SH3GL2: variants seen among roughly 807,000 people sequenced by gnomAD.
SH3GL2 encodes SH3 domain containing GRB2 like 2, endophilin A1, also known as endophilin-A1.
SH3GL2 carries 24 observed loss-of-function variants against 46.0 expected under a neutral mutation model. The ratio of observed to expected loss-of-function variants is 0.52; its 90% confidence interval spans 0.38 to 0.73. The LOEUF (loss-of-function observed/expected upper bound fraction) is 0.73, where lower values mean the gene tolerates loss of function less well. Ranked by LOEUF, SH3GL2 falls within the 30% of genes least tolerant of loss-of-function variation. The probability of loss-of-function intolerance (pLI) is 0.00; values close to 1 mark genes in which losing one functional copy is unlikely to be tolerated. For missense variants in SH3GL2, 413 were observed against 424.2 expected (o/e 0.97, Z 0.23); for synonymous variants, 196 against 147.1 (o/e 1.33, Z -2.40).
chr9:17,751,496 G>T (rs917134208), intron 2 of SH3GL2, among the ~76,000 whole-genome samples: 2 of 151,828 alleles, frequency 1.3e-5, no homozygotes, highest in Admixed American at 6.6e-5. Context: ...GTGTGTGTGT[G>T]TGTGTGTGTG....
chr9:17,716,852 AT>A (rs1390119200), intron 1 of SH3GL2, among the ~76,000 whole-genome samples: 1 of 152,016 alleles, frequency 6.6e-6, no homozygotes, highest in Non-Finnish European at 1.5e-5. Flanking sequence ...GGCTCACCTC[AT>A]TTGTTTCCTC....
At position 17,738,673 on chromosome 9, in the gene SH3GL2, G is replaced by GAA. The variant is rs1230624275; in HGVS notation, c.46-8392_46-8391insAA. Among the ~76,000 whole-genome samples, 295 of 145,022 alleles carry GAA rather than the reference G, an allele frequency of 2.0e-3. 2 individuals are homozygous for GAA. The highest frequency in any genetic ancestry group is 6.9e-3 in the African/African-American group (266 of 38,286). On this transcript the variant is annotated intron_variant, in intron 1 of 8. Transcript: ENST00000380607. ...AGAGAGAGAGAGAGAGAGAGAGAGA[G>GAA]ATAATTTTATTTCAAGGAATTGCCT...
At chr9:17,789,357 C>A in intron 5 of SH3GL2, 35 bp from the exon 6 acceptor site, 1 of 1,597,324 alleles carries the variant, frequency 6.3e-7, no homozygotes, top group Non-Finnish European at 8.6e-7. Context: ...TCCATAAGCC[C>A]TTTCAAAGCC....
intron 1 of SH3GL2, among the ~76,000 whole-genome samples, chr9:17,658,035 A>G (rs1255626907): frequency 6.6e-6 from 1 of 152,184 alleles, no homozygotes; most frequent in African/African-American, 2.4e-5. Flanking sequence ...TCCACTGCAG[A>G]TAGGAACTTA....
At chr9:17,649,764 C>CT (rs1819910661) in intron 1 of SH3GL2, among the ~76,000 whole-genome samples, 2 of 152,122 alleles carry the variant, frequency 1.3e-5, no homozygotes, top group Non-Finnish European at 2.9e-5. Context: ...ATGTAATATT[C>CT]TTTTTCTGAG....
chr9:17,770,148 T>C (rs1692174870), intron 3 of SH3GL2, among the ~76,000 whole-genome samples: 1 of 152,212 alleles, frequency 6.6e-6, no homozygotes, highest in African/African-American at 2.4e-5. Context: ...TCATGTACAA[T>C]TAGTATATTT....
chr9:17,690,171 A>G (rs932527318), intron 1 of SH3GL2, among the ~76,000 whole-genome samples: 1 of 152,096 alleles, frequency 6.6e-6, no homozygotes, highest in African/African-American at 2.4e-5. Flanking sequence ...ATTTATGTCT[A>G]CACCCCCACA....
intron 1 of SH3GL2, among the ~76,000 whole-genome samples, chr9:17,678,276 C>A (rs1363336293): frequency 6.6e-6 from 1 of 152,070 alleles, no homozygotes; most frequent in African/African-American, 2.4e-5. Context: ...TCCTATTTCT[C>A]CACATCCTCT....
Position 17,678,321 on chromosome 9 carries a change from G to A in SH3GL2, c.46-68745G>A, listed in dbSNP as rs559953028. ...GTTGTTTCCTGACTTTTTAATGATC[G>A]CCATTGTAACTGGTATGAGATGGTA... On this transcript the variant is annotated intron_variant, in intron 1 of 8. Coordinates refer to ENST00000380607, the MANE Select transcript of SH3GL2 (RefSeq NM_003026.5). 5.7e-3 allele frequency among the ~76,000 whole-genome samples: 862 copies of A among 152,162 alleles called. 9 individuals carry two copies. The highest frequency in any genetic ancestry group is 0.02 in the African/African-American group (823 of 41,508).
chr9:17,588,085 G>C (rs73641992), intron 1 of SH3GL2, among the ~76,000 whole-genome samples: 2,097 of 152,182 alleles, frequency 0.014, 25 homozygotes, highest in African/African-American at 0.028. Context: ...AAGTCTTAAT[G>C]GTACTTTGTT....
Position 17,636,478 on chromosome 9 carries a change from A to G in SH3GL2, c.45+57191A>G, listed in dbSNP as rs184611478. Among the ~76,000 whole-genome samples the G allele has an allele frequency of 2.0e-4, 30 of 152,308 alleles. No individual in the cohort carries two copies. The East Asian group carries it at 5.6e-3, about 28-fold the overall frequency. ...ATGGCATAACCTGATCCATCTTTGC[A>G]TTCTCCACGTTGATCATAGCTTTAC... On this transcript the variant is annotated intron_variant, in intron 1 of 8. Coordinates refer to ENST00000380607, the MANE Select transcript of SH3GL2 (RefSeq NM_003026.5).
intron 1 of SH3GL2, among the ~76,000 whole-genome samples, chr9:17,738,626 T>TTTTA (rs58272546): frequency 0.03 from 2,277 of 74,776 alleles, 78 homozygotes; most frequent in South Asian, 0.055. Context: ...TCATGTGATT[T>TTTTA]TATATATATA....
intron 1 of SH3GL2, among the ~76,000 whole-genome samples, chr9:17,629,571 A>G (rs1276860878): frequency 6.6e-6 from 1 of 152,230 alleles, no homozygotes; most frequent in Non-Finnish European, 1.5e-5. Context: ...CTGGTTGTAC[A>G]TAAGTGTTTT....
At chr9:17,700,620 C>T (rs946130286) in intron 1 of SH3GL2, among the ~76,000 whole-genome samples, 1 of 152,114 alleles carries the variant, frequency 6.6e-6, no homozygotes, top group Non-Finnish European at 1.5e-5. Flanking sequence ...CATGATTTTT[C>T]TGTATTTTAC....
chr9:17,655,354 G>A (rs927249650), intron 1 of SH3GL2, among the ~76,000 whole-genome samples: 3 of 152,206 alleles, frequency 2.0e-5, no homozygotes, highest in Non-Finnish European at 4.4e-5. Flanking sequence ...TAAGGAAATT[G>A]GATGTTTTAC....
chr9:17,635,266 C>T lies in SH3GL2; in HGVS notation c.45+55979C>T, dbSNP rs75197461. Among the ~76,000 whole-genome samples the T allele has an allele frequency of 1.6e-3, 247 of 152,240 alleles. 2 individuals carry two copies. Among genetic ancestry groups the T allele is most frequent in the African/African-American group, 5.8e-3 (241 of 41,542 alleles). ...GGTTTTCTGTTCCTGCATTAGTTTGCTAAGGATAATGGTCTCTAGCTTCAT... is the reference window on the plus strand; with the variant it reads ...GGTTTTCTGTTCCTGCATTAGTTTGTTAAGGATAATGGTCTCTAGCTTCAT... On this transcript the variant is annotated intron_variant, in intron 1 of 8. Transcript: ENST00000380607.
rs575426006 is a variant in SH3GL2 at position 17,637,924 on chromosome 9, A to G, written c.45+58637A>G. ...GTAATCCCAGCACTTTGGGAGGCCG[A>G]GGCGGGCGGATCACGAGGTCAGGAG... is the stretch of plus-strand genomic sequence containing the variant. On this transcript the variant is annotated intron_variant, in intron 1 of 8. Transcript: ENST00000380607. 3.3e-5 allele frequency among the ~76,000 whole-genome samples: 5 copies of G among 152,288 alleles called. No individual in the cohort carries two copies. In the East Asian group the frequency reaches 7.7e-4, roughly 24 times the overall value.
chr9:17,641,130 A>G (rs3808729), intron 1 of SH3GL2, among the ~76,000 whole-genome samples: 13,901 of 152,154 alleles, frequency 0.091, 851 homozygotes, highest in East Asian at 0.23. Flanking sequence ...GGTGGCTCCT[A>G]ATTATTACCA....
At chr9:17,652,588 G>A (rs989595473) in intron 1 of SH3GL2, among the ~76,000 whole-genome samples, 8 of 151,974 alleles carry the variant, frequency 5.3e-5, no homozygotes, top group African/African-American at 1.9e-4. Flanking sequence ...TGAGATGGGT[G>A]TCTTAATACT....
Sources: gnomAD v4.1 joint callset for allele counts (sites outside exome capture counted in the v4.1 genomes callset) on GRCh38, gnomAD v4.1.1 for gene constraint, MANE v1.5 for transcripts, NCBI Gene and HGNC (gene_info 2026-07-23, HGNC 2026-07-21) for gene names.